The following DENND1A variants were observed in gnomAD, a reference collection of about 807,000 sequenced individuals.
DENND1A encodes DENN domain containing 1A.
A neutral mutation model predicts 113.7 loss-of-function variants in DENND1A; 51 were observed. That is an observed-to-expected ratio of 0.45 (90% confidence interval 0.36 to 0.57). DENND1A has a LOEUF of 0.57. DENND1A is among the 20% of genes least tolerant of loss of function. DENND1A has a pLI of 0.00. For missense variants in DENND1A, 1,258 were observed against 1,395.9 expected, an observed-to-expected ratio of 0.90 and a Z score of 1.57; for synonymous variants, 565 against 570.8, an observed-to-expected ratio of 0.99 and a Z score of 0.14.
chr9:123,515,522 C>T lies in DENND1A; in HGVS notation c.993+42048G>A, dbSNP rs532738057. Among the ~76,000 whole-genome samples, 408 of 152,258 alleles carry T rather than the reference C, an allele frequency of 2.7e-3. 3 individuals are homozygous for T. The highest frequency in any genetic ancestry group is 4.9e-3 in the Non-Finnish European group (334 of 68,026). ...AGTGTGCATATATTTAGAAATACAA[C>T]GCACATTTGTAAAACATTAATTATC... On this transcript the variant is annotated intron_variant, in intron 13 of 23. Transcript: ENST00000394215.
Position 123,781,997 on chromosome 9 carries a change from G to C in DENND1A, c.132+10590C>G, listed in dbSNP as rs181616113. On this transcript the variant is annotated intron_variant, in intron 3 of 23. Coordinates refer to ENST00000394215, the MANE Select transcript of DENND1A (RefSeq NM_001352964.2). ...AGGAAGAAGAATCGCTTGAACCTGG[G>C]AGACAGAGGTTGCAGTGAGCCAAGA... is the stretch of plus-strand genomic sequence containing the variant. Among the ~76,000 whole-genome samples, 299 of 152,164 alleles carry C rather than the reference G, an allele frequency of 2.0e-3. 1 individual carries two copies. The highest frequency in any genetic ancestry group is 5.6e-3 in the African/African-American group (233 of 41,494).
In DENND1A at chr9:123,457,452, C is replaced by G; in HGVS notation, c.1099-17G>C. On this transcript the variant is annotated splice_polypyrimidine_tract_variant and intron_variant, in intron 14 of 23. Transcript: ENST00000394215. ...ATCAATAAACTATAGAAAGAAGGAACAAAAGCACAACAGCTCGTACAAAGA... is the reference window on the plus strand; with the variant it reads ...ATCAATAAACTATAGAAAGAAGGAAGAAAAGCACAACAGCTCGTACAAAGA... 1 of 1,593,616 alleles carries G rather than the reference C, an allele frequency of 6.3e-7. No homozygotes were observed. Among genetic ancestry groups the G allele is most frequent in the Non-Finnish European group, 8.6e-7 (1 of 1,161,544 alleles).
At chr9:123,598,456 C>CAAAAAAAAAA (rs780473231) in intron 11 of DENND1A, among the ~76,000 whole-genome samples, 1 of 59,394 alleles carries the variant, frequency 1.7e-5, no homozygotes, top group Non-Finnish European at 3.6e-5. Context: ...TCACAAATCT[C>CAAAAAAAAAA]AAAAAAAAAA....
intron 10 of DENND1A, among the ~76,000 whole-genome samples, chr9:123,629,694 A>G (rs2061393880): frequency 6.6e-6 from 1 of 152,206 alleles, no homozygotes; most frequent in Non-Finnish European, 1.5e-5. Flanking sequence ...GTTTCACTGA[A>G]CAGTGAAATT....
chr9:123,674,662 C>T (rs766181100), intron 6 of DENND1A, among the ~76,000 whole-genome samples: 8 of 152,104 alleles, frequency 5.3e-5, no homozygotes, highest in Non-Finnish European at 1.2e-4. Context: ...GATCTCAGTC[C>T]GACATCCCAA....
intron 5 of DENND1A, among the ~76,000 whole-genome samples, chr9:123,712,733 A>C (rs534364179): frequency 3.9e-5 from 6 of 152,246 alleles, no homozygotes; most frequent in African/African-American, 1.4e-4. Flanking sequence ...ATTAATTAAC[A>C]AAACAGGCTA....
intron 13 of DENND1A, among the ~76,000 whole-genome samples, chr9:123,469,850 C>T (rs988985302): frequency 3.3e-5 from 5 of 152,194 alleles, no homozygotes; most frequent in African/African-American, 9.7e-5. Flanking sequence ...TGAAAGGGGA[C>T]GTCACTTGCC....
intron 13 of DENND1A, among the ~76,000 whole-genome samples, chr9:123,526,182 C>CAG (rs2054827523): frequency 6.6e-6 from 1 of 151,424 alleles, no homozygotes; most frequent in Non-Finnish European, 1.5e-5. Flanking sequence ...CACACACACA[C>CAG]ACACATATGC....
At chr9:123,730,327 C>T (rs944953750) in intron 5 of DENND1A, among the ~76,000 whole-genome samples, 7 of 152,124 alleles carry the variant, frequency 4.6e-5, no homozygotes, top group African/African-American at 1.7e-4. Flanking sequence ...AGGCAACCTA[C>T]AGAATGGGAG....
At chr9:123,768,636 T>G (rs1481095769) in intron 4 of DENND1A, among the ~76,000 whole-genome samples, 3 of 152,114 alleles carry the variant, frequency 2.0e-5, no homozygotes, top group African/African-American at 4.8e-5. Context: ...GTTTCATAGT[T>G]CAAATTTCCA....
At chr9:123,413,603 T>C in intron 19 of DENND1A, 7 of 985,524 alleles carry the variant, frequency 7.1e-6, no homozygotes, top group Non-Finnish European at 8.4e-6. Context: ...TCCAGGGACT[T>C]GGTGGAGGGT....
intron 13 of DENND1A, among the ~76,000 whole-genome samples, chr9:123,554,622 C>T (rs1245526473): frequency 1.3e-5 from 2 of 152,184 alleles, no homozygotes; most frequent in Admixed American, 6.5e-5. Context: ...CCTTCTCCAC[C>T]TTATGGAAGA....
chr9:123,710,188 A>G (rs1235668179), intron 5 of DENND1A, among the ~76,000 whole-genome samples: 1 of 152,232 alleles, frequency 6.6e-6, no homozygotes, highest in African/African-American at 2.4e-5. Context: ...ATACATACAA[A>G]TGTTTTTCAC....
Position 123,403,388 on chromosome 9 carries a change from G to C in DENND1A, c.1631+14C>G. 6.2e-7 allele frequency: 1 copy of C among 1,613,624 alleles called. No individual in the cohort carries two copies. Among genetic ancestry groups the C allele is most frequent in the Non-Finnish European group, 8.5e-7 (1 of 1,179,682 alleles). Reference sequence around the variant, plus strand: ...AGGGTTCTTACAGACAGAGGGGAGAGGCACAATACTCACTGCTCAGGGCTC... The same window carrying C: ...AGGGTTCTTACAGACAGAGGGGAGACGCACAATACTCACTGCTCAGGGCTC... On this transcript the variant is annotated intron_variant, in intron 21 of 23. Transcript: ENST00000394215.
At chr9:123,453,701 T>TAACTTTTAGCACAATTTTTGGTAAC (rs1181318419) in intron 16 of DENND1A, among the ~76,000 whole-genome samples, 1 of 152,198 alleles carries the variant, frequency 6.6e-6, no homozygotes, top group Admixed American at 6.5e-5. Context: ...TTATCGGTCT[T>TAACTTTTAGCACAATTTTTGGTAAC]AACTTTTAGC....
chr9:123,397,145 G>A (rs541733334), intron 21 of DENND1A, among the ~76,000 whole-genome samples: 1 of 152,274 alleles, frequency 6.6e-6, no homozygotes, highest in East Asian at 1.9e-4. Context: ...AATGGGAGTT[G>A]TCAATAATTC....
At chr9:123,448,358 T>G (rs1162004229) in intron 18 of DENND1A, among the ~76,000 whole-genome samples, 1 of 152,238 alleles carries the variant, frequency 6.6e-6, no homozygotes, top group Non-Finnish European at 1.5e-5. Flanking sequence ...GGCCAGAGGC[T>G]TGCACATACA....
intron 8 of DENND1A, among the ~76,000 whole-genome samples, chr9:123,661,626 A>C (rs1251102029): frequency 6.6e-6 from 1 of 152,216 alleles, no homozygotes; most frequent in Non-Finnish European, 1.5e-5. Flanking sequence ...TTAGTGCCTC[A>C]CTCTTAAATG....
At chr9:123,807,418 T>C (rs753039929) in intron 2 of DENND1A, among the ~76,000 whole-genome samples, 2 of 152,240 alleles carry the variant, frequency 1.3e-5, no homozygotes, top group Non-Finnish European at 2.9e-5. Flanking sequence ...TATTCGCTAC[T>C]TTGGCAGCAT....
Sources: allele counts gnomAD v4.1 joint callset (sites outside exome capture counted in the v4.1 genomes callset), GRCh38; gene constraint gnomAD v4.1.1; transcripts MANE v1.5; gene names NCBI Gene and HGNC (gene_info 2026-07-23, HGNC 2026-07-21).